NTNG1: variants seen among roughly 807,000 people sequenced by gnomAD.
The protein encoded by NTNG1 is netrin-G1.
NTNG1 carries 16 observed loss-of-function variants against 54.0 expected under a neutral mutation model. The ratio of observed to expected loss-of-function variants is 0.30; its 90% confidence interval spans 0.20 to 0.45. The LOEUF is 0.45. Ranked by LOEUF, NTNG1 falls within the 20% of genes least tolerant of loss-of-function variation. The pLI, the probability that NTNG1 is intolerant of heterozygous loss-of-function variation, is 1.00. For missense variants in NTNG1, 530 were observed against 678.7 expected (o/e 0.78, Z 2.43); for synonymous variants, 255 against 263.1 (o/e 0.97, Z 0.30).
intron 3 of NTNG1, among the ~76,000 whole-genome samples, chr1:107,350,475 C>A (rs1669535561): frequency 6.6e-6 from 1 of 152,246 alleles, no homozygotes; most frequent in Non-Finnish European, 1.5e-5. Flanking sequence ...TATGATCCAG[C>A]AATCCTACTT....
intron 6 of NTNG1, among the ~76,000 whole-genome samples, chr1:107,432,490 C>A (rs1042323664): frequency 6.6e-6 from 1 of 152,140 alleles, no homozygotes; most frequent in African/African-American, 2.4e-5. Flanking sequence ...CAATTCCACT[C>A]TGAGTTTATG....
intron 5 of NTNG1, chr1:107,409,600 AT>A (rs1166850404): frequency 7.9e-5 from 12 of 152,166 alleles, no homozygotes; most frequent in East Asian, 3.8e-4. Context: ...TTTGAAAAAA[AT>A]ATATTAACCT....
At chr1:107,208,311 T>TC (rs1659346925) in intron 2 of NTNG1, among the ~76,000 whole-genome samples, 1 of 151,576 alleles carries the variant, frequency 6.6e-6, no homozygotes, top group Non-Finnish European at 1.5e-5. Flanking sequence ...AGGCCTGTAA[T>TC]CCCAGCTACT....
chr1:107,227,571 A>C (rs776683304), intron 2 of NTNG1, among the ~76,000 whole-genome samples: 1 of 152,010 alleles, frequency 6.6e-6, no homozygotes, highest in African/African-American at 2.4e-5. Context: ...CAGGCATCCA[A>C]ATGGGCTAAG....
chr1:107,161,992 A>C (rs4428916), intron 2 of NTNG1, among the ~76,000 whole-genome samples: 5 of 151,790 alleles, frequency 3.3e-5, no homozygotes, highest in South Asian at 4.1e-4. Context: ...ATATTTGTAA[A>C]TTATCCATTT....
At chr1:107,389,108 T>C (rs1046745341) in intron 3 of NTNG1, among the ~76,000 whole-genome samples, 8 of 152,194 alleles carry the variant, frequency 5.3e-5, no homozygotes, top group Admixed American at 5.2e-4. Flanking sequence ...ATATCTTACT[T>C]GAGTAAATTA....
At chr1:107,185,213 A>T (rs1404864089) in intron 2 of NTNG1, among the ~76,000 whole-genome samples, 1 of 152,190 alleles carries the variant, frequency 6.6e-6, no homozygotes, top group Non-Finnish European at 1.5e-5. Context: ...AAATGCCACA[A>T]ATTGGATGGC....
At chr1:107,346,566 C>G (rs985237309) in intron 3 of NTNG1, among the ~76,000 whole-genome samples, 2 of 151,950 alleles carry the variant, frequency 1.3e-5, no homozygotes, top group East Asian at 1.9e-4. Context: ...ATTTTTTTGG[C>G]AAGTTTTAAA....
chr1:107,229,445 G>C (rs1331347088), intron 2 of NTNG1, among the ~76,000 whole-genome samples: 2 of 151,140 alleles, frequency 1.3e-5, no homozygotes, highest in Admixed American at 1.3e-4. Context: ...GCCCTCTCAG[G>C]CTCTTAATCC....
At chr1:107,326,496 T>G (rs1667958636) in intron 3 of NTNG1, among the ~76,000 whole-genome samples, 1 of 152,152 alleles carries the variant, frequency 6.6e-6, no homozygotes, top group Admixed American at 6.6e-5. Context: ...GATCTTATTC[T>G]TGGGGAAGTA....
intron 2 of NTNG1, among the ~76,000 whole-genome samples, chr1:107,229,206 T>A (rs1211950554): frequency 6.6e-6 from 1 of 151,642 alleles, no homozygotes; most frequent in Non-Finnish European, 1.5e-5. Flanking sequence ...CAGCCCCACT[T>A]AATAACTGAT....
chr1:107,268,483 CATA>C (rs1180502545), intron 2 of NTNG1, among the ~76,000 whole-genome samples: 1 of 78,492 alleles, frequency 1.3e-5, no homozygotes, highest in African/African-American at 3.2e-5. Context: ...TGTCTCTCAT[CATA>C]TTTTTTTTTT....
At chr1:107,420,543 T>C (rs1674508631) in intron 5 of NTNG1, among the ~76,000 whole-genome samples, 1 of 151,992 alleles carries the variant, frequency 6.6e-6, no homozygotes, top group South Asian at 2.1e-4. Context: ...TAACAAATGC[T>C]GAGAAGGCTA....
intron 7 of NTNG1, among the ~76,000 whole-genome samples, chr1:107,450,011 A>G (rs193218716): frequency 6.6e-6 from 1 of 152,218 alleles, no homozygotes; most frequent in African/African-American, 2.4e-5. Context: ...AGAAAAATGT[A>G]TGACTGCTTT....
At chr1:107,388,107 G>C (rs942076540) in intron 3 of NTNG1, among the ~76,000 whole-genome samples, 2 of 152,240 alleles carry the variant, frequency 1.3e-5, no homozygotes, top group African/African-American at 4.8e-5. Flanking sequence ...ATTGCCTTCT[G>C]TTTGAATCCC....
Position 107,148,735 on chromosome 1 carries a change from A to G in NTNG1, c.142A>G (p.Met48Val). 3 of 1,613,836 alleles carry G rather than the reference A, an allele frequency of 1.9e-6. No homozygotes were observed. The highest frequency in any genetic ancestry group is 1.1e-5 in the South Asian group (1 of 91,080). ...YTEEGKVWDYMACQPESTDMT... is the reference protein window; with the variant it reads ...YTEEGKVWDYVACQPESTDMT... The stretch of plus-strand genomic sequence containing the variant: ...GGAAGAAGGGAAAGTTTGGGATTAC[A>G]TGGCCTGCCAGCCGGAATCCACGGA... Residue 48 changes from methionine (M) to valine (V), a missense_variant, in exon 2 of 8, where the codon ATG becomes GTG. By Grantham distance (21) the Met-to-Val change is conservative. Around this residue, in one of 2 missense-constraint regions of NTNG1, gnomAD observed 318 missense variants for 465.1 expected, o/e 0.68. Transcript: ENST00000370068.
chr1:107,228,032 T>C (rs1660804198), intron 2 of NTNG1, among the ~76,000 whole-genome samples: 1 of 152,194 alleles, frequency 6.6e-6, no homozygotes. Flanking sequence ...TAATAAATTA[T>C]CTATTCTTCT....
intron 2 of NTNG1, among the ~76,000 whole-genome samples, chr1:107,181,305 G>C (rs527236672): frequency 6.6e-6 from 1 of 152,296 alleles, no homozygotes; most frequent in Admixed American, 6.5e-5. Flanking sequence ...ACCCATGACT[G>C]AAAAGTAACT....
At chr1:107,316,090 T>C (rs923607773) in intron 2 of NTNG1, among the ~76,000 whole-genome samples, 10 of 152,184 alleles carry the variant, frequency 6.6e-5, no homozygotes, top group African/African-American at 2.2e-4. Context: ...CCAGTTCCTG[T>C]GCCTGTACTC....
Sources: gnomAD v4.1 joint callset for allele counts (sites outside exome capture counted in the v4.1 genomes callset) on GRCh38, gnomAD v4.1.1 for gene constraint, gnomAD v4.1.1 regional missense constraint, MANE v1.5 for transcripts, NCBI Gene and HGNC (gene_info 2026-07-23, HGNC 2026-07-21) for gene names.